Variants in MTSS1 observed in about 807,000 individuals in gnomAD.
MTSS1 encodes the protein protein MTSS 1.
In MTSS1, 18 loss-of-function variants were observed where a neutral mutation model predicts 79.0. That is an observed-to-expected ratio of 0.23 (90% CI 0.16 to 0.34). MTSS1 has a LOEUF of 0.34. Among genes scored for constraint, MTSS1 ranks in the 10% least tolerant of loss-of-function variants. MTSS1 has a pLI of 1.00. For missense variants in MTSS1, 815 were observed against 986.2 expected, an observed-to-expected ratio of 0.83 and a Z score of 2.33; for synonymous variants, 341 against 368.6, an observed-to-expected ratio of 0.93 and a Z score of 0.86.
At chr8:124,599,321 T>C in intron 3 of MTSS1, among the ~76,000 whole-genome samples, 1 of 151,848 alleles carries the variant, frequency 6.6e-6, no homozygotes, top group East Asian at 1.9e-4. Context: ...CTGTCTCTAC[T>C]AAAAATACAA....
At chr8:124,592,290 G>A (rs1832003313) in intron 3 of MTSS1, among the ~76,000 whole-genome samples, 1 of 152,136 alleles carries the variant, frequency 6.6e-6, no homozygotes, top group Non-Finnish European at 1.5e-5. Flanking sequence ...ATTTACTGGG[G>A]CGTGGGAGAG....
chr8:124,702,090 G>C (rs1354779595), intron 2 of MTSS1, among the ~76,000 whole-genome samples: 1 of 152,170 alleles, frequency 6.6e-6, no homozygotes, highest in East Asian at 1.9e-4. Context: ...CAGCTGATCT[G>C]TTCATTACTT....
chr8:124,708,925 T>C (rs1389468443), intron 1 of MTSS1, among the ~76,000 whole-genome samples: 1 of 151,358 alleles, frequency 6.6e-6, no homozygotes, highest in African/African-American at 2.4e-5. Context: ...AACCTCCTTG[T>C]TGAGAAATGA....
At chr8:124,622,177 T>C (rs967555659) in intron 3 of MTSS1, among the ~76,000 whole-genome samples, 1 of 152,126 alleles carries the variant, frequency 6.6e-6, no homozygotes, top group Non-Finnish European at 1.5e-5. Flanking sequence ...GAGGACGTTA[T>C]GCTAAGTGAA....
chr8:124,656,816 GA>G (rs201856106), intron 3 of MTSS1, among the ~76,000 whole-genome samples: 1 of 147,566 alleles, frequency 6.8e-6, no homozygotes, highest in African/African-American at 2.5e-5. Context: ...AGAAAAAAAG[GA>G]AAAAAAAATG....
At chr8:124,605,942 C>G (rs1021494681) in intron 3 of MTSS1, among the ~76,000 whole-genome samples, 1 of 150,060 alleles carries the variant, frequency 6.7e-6, no homozygotes, top group African/African-American at 2.5e-5. Context: ...CTTATAGGTA[C>G]CATTATAAAG....
At chr8:124,568,208 G>A in intron 7 of MTSS1, 171 bp downstream of exon 7, 1 of 757,726 alleles carries the variant, frequency 1.3e-6, no homozygotes, top group Non-Finnish European at 2.1e-6. Context: ...TGAATGAGGA[G>A]TGAGCTACAT....
chr8:124,683,897 TC>T lies in MTSS1; in HGVS notation c.208+15628del, dbSNP rs1563992001. Among the ~76,000 whole-genome samples, 1 of 152,100 alleles carries T rather than the reference TC, an allele frequency of 6.6e-6. No individual in the cohort carries two copies. Among genetic ancestry groups the T allele is most frequent in the African/African-American group, 2.4e-5 (1 of 41,420 alleles). On this transcript the variant is annotated intron_variant, in intron 3 of 13. Coordinates refer to ENST00000518547, the MANE Select transcript of MTSS1 (RefSeq NM_014751.6). The surrounding 1 kb of genome is among the most constrained non-coding windows in gnomAD (Gnocchi z 4.5). ...CATGCGGTGGGGGCTCTGACACCAC[TC>T]CCATTTCCATTATCAAACCAAGGAG...
chr8:124,709,058 T>C (rs1830778394), intron 1 of MTSS1, among the ~76,000 whole-genome samples: 1 of 151,972 alleles, frequency 6.6e-6, no homozygotes, highest in South Asian at 2.1e-4. Flanking sequence ...GAGAGCAGTT[T>C]TACTATAATA....
At chr8:124,726,350 T>C (rs1230066542) in intron 1 of MTSS1, among the ~76,000 whole-genome samples, 2 of 152,204 alleles carry the variant, frequency 1.3e-5, no homozygotes, top group African/African-American at 4.8e-5. Flanking sequence ...ACTCCAGGAC[T>C]ACAGTGGACA....
chr8:124,554,122 G>C (rs1586743238), intron 13 of MTSS1, among the ~76,000 whole-genome samples: 1 of 152,338 alleles, frequency 6.6e-6, no homozygotes, highest in East Asian at 1.9e-4. Context: ...GGAGAGGCAA[G>C]GGCTAGACAA....
intron 3 of MTSS1, among the ~76,000 whole-genome samples, chr8:124,678,084 T>C (rs1825594914): frequency 6.6e-6 from 1 of 152,184 alleles, no homozygotes; most frequent in Non-Finnish European, 1.5e-5. Context: ...AGCTTCAGTA[T>C]GAAGGTGACA....
intron 1 of MTSS1, among the ~76,000 whole-genome samples, chr8:124,706,101 T>C (rs1196209863): frequency 1.3e-5 from 2 of 152,078 alleles, no homozygotes; most frequent in East Asian, 3.8e-4. Flanking sequence ...CAAAAGATCA[T>C]GCATAGCACT....
chr8:124,649,104 G>A (rs549808113), intron 3 of MTSS1, among the ~76,000 whole-genome samples: 1 of 152,354 alleles, frequency 6.6e-6, no homozygotes, highest in Admixed American at 6.5e-5. Flanking sequence ...TCAAGAGCTG[G>A]CAAACTATGG....
intron 3 of MTSS1, among the ~76,000 whole-genome samples, chr8:124,670,368 G>T (rs1448277153): frequency 6.6e-6 from 1 of 152,060 alleles, no homozygotes; most frequent in African/African-American, 2.4e-5. Flanking sequence ...ATTACACTCA[G>T]GCGGGCGGCA....
chr8:124,674,617 T>C (rs769738392), intron 3 of MTSS1, among the ~76,000 whole-genome samples: 5 of 152,184 alleles, frequency 3.3e-5, no homozygotes, highest in Non-Finnish European at 7.3e-5. Flanking sequence ...GTGCTGGAAT[T>C]ATAGGCAGAA....
At chr8:124,580,687 A>G (rs145717029) in intron 6 of MTSS1, 3 of 1,143,990 alleles carry the variant, frequency 2.6e-6, no homozygotes, top group South Asian at 1.4e-5. Context: ...TAAACAGTCC[A>G]TGGCTCGCCA....
chr8:124,587,053 G>C (rs1263948084), intron 5 of MTSS1, among the ~76,000 whole-genome samples: 1 of 152,204 alleles, frequency 6.6e-6, no homozygotes, highest in African/African-American at 2.4e-5. Flanking sequence ...AGAGTAGAAG[G>C]AGGCTCCTGC....
intron 3 of MTSS1, among the ~76,000 whole-genome samples, chr8:124,676,052 T>C (rs1211991386): frequency 6.6e-6 from 1 of 152,198 alleles, no homozygotes; most frequent in Non-Finnish European, 1.5e-5. Flanking sequence ...TGTGCTTCCT[T>C]CCTCATTAAG....
Sources: gnomAD v4.1 joint callset for allele counts (sites outside exome capture counted in the v4.1 genomes callset) on GRCh38, gnomAD v4.1.1 for gene constraint, Gnocchi (gnomAD v3.1) non-coding constraint, MANE v1.5 for transcripts, NCBI Gene and HGNC (gene_info 2026-07-23, HGNC 2026-07-21) for gene names.